PCDH9: variants seen among roughly 807,000 people sequenced by gnomAD.
The protein encoded by PCDH9 is protocadherin 9, also known as protocadherin-9.
PCDH9 carries 24 observed loss-of-function variants against 70.6 expected under a neutral mutation model. The ratio of observed to expected loss-of-function variants is 0.34; its 90% confidence interval spans 0.25 to 0.48. PCDH9 has a LOEUF of 0.48. Ranked by LOEUF, PCDH9 falls within the 20% of genes least tolerant of loss-of-function variation. The pLI is 0.99. For missense variants in PCDH9, 1,281 were observed against 1,503.6 expected, an observed-to-expected ratio of 0.85 and a Z score of 2.45; for synonymous variants, 562 against 558.5, an observed-to-expected ratio of 1.01 and a Z score of -0.09.
At chr13:66,440,688 A>G (rs181902988) in intron 4 of PCDH9, among the ~76,000 whole-genome samples, 43 of 152,274 alleles carry the variant, frequency 2.8e-4, no homozygotes, top group African/African-American at 1.0e-3. Context: ...CTACAACCTG[A>G]GTAATAAACC....
chr13:66,834,157 C>CTTT (rs11431335), intron 3 of PCDH9, among the ~76,000 whole-genome samples: 49 of 124,546 alleles, frequency 3.9e-4, no homozygotes, highest in Non-Finnish European at 5.6e-4. Flanking sequence ...TACCTATGGT[C>CTTT]TTTTTTTTTT....
chr13:66,502,260 A>C (rs1431082946), intron 4 of PCDH9, among the ~76,000 whole-genome samples: 1 of 152,114 alleles, frequency 6.6e-6, no homozygotes, highest in Non-Finnish European at 1.5e-5. Flanking sequence ...ATCACACTGA[A>C]TAAGGTTATT....
At chr13:66,999,145 A>T (rs914647033) in intron 2 of PCDH9, among the ~76,000 whole-genome samples, 3 of 152,182 alleles carry the variant, frequency 2.0e-5, no homozygotes, top group Non-Finnish European at 4.4e-5. Context: ...CAGATTGTGC[A>T]TGTTATTCAT....
At chr13:66,506,066 G>C (rs991801397) in intron 4 of PCDH9, among the ~76,000 whole-genome samples, 8 of 152,104 alleles carry the variant, frequency 5.3e-5, no homozygotes, top group African/African-American at 1.4e-4. Context: ...TGCTCTTATA[G>C]TAAATTGCTA....
At chr13:66,312,646 A>G (rs1322110400) in intron 4 of PCDH9, among the ~76,000 whole-genome samples, 1 of 152,048 alleles carries the variant, frequency 6.6e-6, no homozygotes, top group East Asian at 1.9e-4. Flanking sequence ...TACTGAGGTC[A>G]CATTTAGATT....
chr13:66,405,701 G>A (rs1034454888), intron 4 of PCDH9, among the ~76,000 whole-genome samples: 5 of 152,224 alleles, frequency 3.3e-5, no homozygotes, highest in African/African-American at 9.6e-5. Context: ...AGGTGTATGT[G>A]TCCATATATA....
At position 67,205,928 on chromosome 13, in the gene PCDH9, A is replaced by G. The variant is rs138850355; in HGVS notation, c.3036+19477T>C. 3 of 152,260 alleles carry G rather than the reference A, an allele frequency of 2.0e-5. No individual in the cohort carries two copies. In the East Asian group the frequency reaches 5.8e-4, roughly 29 times the overall value. The allele number at this position is 152,260 out of a possible 1,614,324, so 9.4% of individuals were successfully genotyped here. A position where few individuals can be genotyped will look rare whatever the true frequency, so the allele number is the denominator to read the frequency against. ...TGAGAATTCAACACGCGGTTGATGA[A>G]TTTTATTTTTATTTATGTACTTATT... On this transcript the variant is annotated intron_variant, in intron 2 of 4. Coordinates refer to ENST00000377865, the MANE Select transcript of PCDH9 (RefSeq NM_203487.3).
At chr13:66,821,839 T>A (rs1047888790) in intron 3 of PCDH9, among the ~76,000 whole-genome samples, 3 of 152,204 alleles carry the variant, frequency 2.0e-5, no homozygotes, top group Non-Finnish European at 4.4e-5. Context: ...AAGAAACATG[T>A]TAATTTTGCC....
At chr13:66,561,407 A>G (rs2184840) in intron 4 of PCDH9, among the ~76,000 whole-genome samples, 151,856 of 152,326 alleles carry the variant, frequency 1, 75,693 homozygotes, top group Middle Eastern at 1. Flanking sequence ...TGAGGAGTGC[A>G]GACACAAGGC....
Position 67,104,096 on chromosome 13 carries a change from T to C in PCDH9, c.3036+121309A>G, listed in dbSNP as rs192397938. On this transcript the variant is annotated intron_variant, in intron 2 of 4. Coordinates refer to ENST00000377865, the MANE Select transcript of PCDH9 (RefSeq NM_203487.3). The stretch of plus-strand genomic sequence containing the variant: ...TCTCTCAGTGATCTCCTGAAAAGAA[T>C]AGGCATGGAGTTCATGAGACTCATA... Among the ~76,000 whole-genome samples, 21 of 152,250 alleles carry C rather than the reference T, an allele frequency of 1.4e-4. 1 individual carries two copies. The highest frequency in any genetic ancestry group is 4.3e-4 in the African/African-American group (18 of 41,552).
At chr13:66,470,905 G>T (rs1411353802) in intron 4 of PCDH9, among the ~76,000 whole-genome samples, 1 of 150,746 alleles carries the variant, frequency 6.6e-6, no homozygotes, top group Non-Finnish European at 1.5e-5. Context: ...ATCAGTAGGT[G>T]ATTTGGAAGA....
chr13:66,561,379 C>T (rs966509203), intron 4 of PCDH9, among the ~76,000 whole-genome samples: 1 of 152,210 alleles, frequency 6.6e-6, no homozygotes, highest in East Asian at 1.9e-4. Flanking sequence ...CACCCAGTCC[C>T]ATCCACCACC....
chr13:66,888,561 A>G (rs1228989952), intron 3 of PCDH9, among the ~76,000 whole-genome samples: 1 of 151,752 alleles, frequency 6.6e-6, no homozygotes, highest in East Asian at 1.9e-4. Flanking sequence ...ATAAATAAAA[A>G]AAAGAAAATT....
intron 2 of PCDH9, among the ~76,000 whole-genome samples, chr13:67,167,950 G>A (rs1457632356): frequency 6.6e-6 from 1 of 152,156 alleles, no homozygotes; most frequent in African/African-American, 2.4e-5. Flanking sequence ...AAAGGAAACA[G>A]AACTGTTGCC....
chr13:66,428,476 T>C (rs998278597), intron 4 of PCDH9, among the ~76,000 whole-genome samples: 1 of 151,778 alleles, frequency 6.6e-6, no homozygotes, highest in African/African-American at 2.4e-5. Context: ...TAGAATCTCC[T>C]CAAGACAGAC....
chr13:67,110,524 A>G (rs1165929441), intron 2 of PCDH9, among the ~76,000 whole-genome samples: 3 of 151,660 alleles, frequency 2.0e-5, no homozygotes, highest in African/African-American at 7.3e-5. Context: ...CAAAAAAAAA[A>G]AAAAAAAAAA....
intron 2 of PCDH9, among the ~76,000 whole-genome samples, chr13:67,114,506 C>A (rs1168541708): frequency 6.6e-6 from 1 of 151,958 alleles, no homozygotes; most frequent in East Asian, 1.9e-4. Context: ...GTTTTTTTTA[C>A]AGAAATAATT....
At chr13:66,621,939 G>A (rs1486676710) in intron 4 of PCDH9, among the ~76,000 whole-genome samples, 1 of 152,230 alleles carries the variant, frequency 6.6e-6, no homozygotes, top group Non-Finnish European at 1.5e-5. Context: ...CTTGCAGGGA[G>A]GTGTGGAGGA....
At chr13:66,743,994 A>G (rs554009650) in intron 3 of PCDH9, among the ~76,000 whole-genome samples, 1 of 152,268 alleles carries the variant, frequency 6.6e-6, no homozygotes, top group South Asian at 2.1e-4. Context: ...TAAATGGGAA[A>G]GGGCAGATGA....
Sources: allele counts gnomAD v4.1 joint callset (sites outside exome capture counted in the v4.1 genomes callset), GRCh38; gene constraint gnomAD v4.1.1; transcripts MANE v1.5; gene names NCBI Gene and HGNC (gene_info 2026-07-23, HGNC 2026-07-21).